KCNQ5: variants seen among roughly 807,000 people sequenced by gnomAD.
KCNQ5 encodes potassium voltage-gated channel subfamily KQT member 5.
Under a neutral mutation model 98.2 loss-of-function variants are expected in KCNQ5, and 30 were observed. The observed-to-expected ratio is 0.31, with a 90% confidence interval of 0.23 to 0.41. The LOEUF (loss-of-function observed/expected upper bound fraction) is 0.41, where lower values mean the gene tolerates loss of function less well. KCNQ5 is among the 10% of genes least tolerant of loss of function. The pLI is 1.00. For missense variants in KCNQ5, 835 were observed against 1,182.5 expected, an observed-to-expected ratio of 0.71 and a Z score of 4.31; for synonymous variants, 458 against 449.4, an observed-to-expected ratio of 1.02 and a Z score of -0.24.
intron 1 of KCNQ5, among the ~76,000 whole-genome samples, chr6:72,928,312 C>A (rs895951861): frequency 3.3e-5 from 5 of 152,026 alleles, no homozygotes; most frequent in Admixed American, 3.3e-4. Context: ...AACAAGGGTA[C>A]TAAAATATGC....
At chr6:72,802,826 G>A (rs549592783) in intron 1 of KCNQ5, among the ~76,000 whole-genome samples, 1 of 152,168 alleles carries the variant, frequency 6.6e-6, no homozygotes, top group South Asian at 2.1e-4. Flanking sequence ...CTGCATTCTG[G>A]TCTTACTAGA....
chr6:72,975,132 T>C (rs1197730849), intron 1 of KCNQ5, among the ~76,000 whole-genome samples: 1 of 152,066 alleles, frequency 6.6e-6, no homozygotes, highest in African/African-American at 2.4e-5. Flanking sequence ...TAAGTAAACA[T>C]CTCTAGAACT....
intron 1 of KCNQ5, among the ~76,000 whole-genome samples, chr6:72,864,383 A>T (rs1396056074): frequency 6.6e-6 from 1 of 152,166 alleles, no homozygotes; most frequent in Non-Finnish European, 1.5e-5. Flanking sequence ...AGCCTTCCTA[A>T]CTTAATGCCA....
intron 6 of KCNQ5, among the ~76,000 whole-genome samples, chr6:73,108,369 C>G (rs1449553132): frequency 6.6e-6 from 1 of 152,184 alleles, no homozygotes; most frequent in Non-Finnish European, 1.5e-5. Flanking sequence ...TTTATAGAGA[C>G]TGAATTCCTT....
At chr6:72,994,479 GC>G (rs1173266842) in intron 1 of KCNQ5, among the ~76,000 whole-genome samples, 1 of 135,892 alleles carries the variant, frequency 7.4e-6, no homozygotes, top group Non-Finnish European at 1.6e-5. Flanking sequence ...CTGACCCCTT[GC>G]GCTTCCCAGG....
Position 72,622,645 on chromosome 6 carries a change from TGG to T in KCNQ5, c.398+61_398+62del. The T allele has an allele frequency of 4.4e-6, 7 of 1,588,066 alleles. No individual in the cohort carries two copies. The highest frequency in any genetic ancestry group is 6.0e-6 in the Non-Finnish European group (7 of 1,166,398). On this transcript the variant is annotated intron_variant, in intron 1 of 13. Coordinates refer to ENST00000370398, the MANE Select transcript of KCNQ5 (RefSeq NM_019842.4). The surrounding 1 kb of genome is among the most constrained non-coding windows in gnomAD (Gnocchi z 6.0). ...CAGGGGACCACTGTCCCTGGCCCCC[TGG>T]GGCGTGCTCCGCGCTCGCGCCCTTG...
chr6:72,749,546 T>C (rs1461490444), intron 1 of KCNQ5, among the ~76,000 whole-genome samples: 1 of 152,046 alleles, frequency 6.6e-6, no homozygotes, highest in Non-Finnish European at 1.5e-5. Context: ...TGCTCACAAG[T>C]AGCCAAAGGG....
chr6:72,960,513 T>G (rs1767289810), intron 1 of KCNQ5, among the ~76,000 whole-genome samples: 1 of 152,126 alleles, frequency 6.6e-6, no homozygotes, highest in African/African-American at 2.4e-5. Context: ...CACTGCAACC[T>G]CCGCCTCCTG....
rs372009146 is a variant in KCNQ5 at position 72,695,085 on chromosome 6, A to G, written c.398+72498A>G. On this transcript the variant is annotated intron_variant, in intron 1 of 13. Coordinates refer to ENST00000370398, the MANE Select transcript of KCNQ5 (RefSeq NM_019842.4). The stretch of plus-strand genomic sequence containing the variant: ...GTAGCATTCCATGATATATATACAT[A>G]TACCACATTTTCTTTATCCAGTCCA... 3.9e-4 allele frequency among the ~76,000 whole-genome samples: 60 copies of G among 152,276 alleles called. 2 individuals carry two copies. The highest frequency in any genetic ancestry group is 1.3e-3 in the African/African-American group (56 of 41,568).
intron 7 of KCNQ5, 124 bp downstream of exon 7, chr6:73,111,527 G>A (rs561504903): frequency 1.4e-6 from 1 of 699,474 alleles, no homozygotes; most frequent in East Asian, 2.5e-5. Flanking sequence ...ATAAAATGAA[G>A]TCAGAACTTA....
intron 5 of KCNQ5, among the ~76,000 whole-genome samples, chr6:73,081,040 A>G (rs1279509802): frequency 1.3e-5 from 2 of 152,254 alleles, no homozygotes; most frequent in Admixed American, 1.3e-4. Context: ...GCCCAATCAA[A>G]TATGAGAGCT....
intron 9 of KCNQ5, among the ~76,000 whole-genome samples, chr6:73,124,980 T>TATAC (rs1204206268): frequency 1.8e-3 from 41 of 22,812 alleles, no homozygotes; most frequent in Non-Finnish European, 2.3e-3. Flanking sequence ...TATATATATA[T>TATAC]ACACACACAC....
chr6:72,660,900 C>T (rs894029113), intron 1 of KCNQ5, among the ~76,000 whole-genome samples: 9 of 151,744 alleles, frequency 5.9e-5, no homozygotes, highest in Non-Finnish European at 5.9e-5. Context: ...TAATGATGGC[C>T]GGAACCAAAG....
intron 1 of KCNQ5, among the ~76,000 whole-genome samples, chr6:72,710,047 G>A (rs978856732): frequency 2.5e-4 from 38 of 152,188 alleles, no homozygotes; most frequent in African/African-American, 8.2e-4. Context: ...AATGGAGTGA[G>A]TGAGGGAAAG....
chr6:73,019,105 A>G (rs968301373), intron 2 of KCNQ5, among the ~76,000 whole-genome samples: 1 of 152,074 alleles, frequency 6.6e-6, no homozygotes, highest in African/African-American at 2.4e-5. Flanking sequence ...TCCATAATGC[A>G]GCAGCCTGAA....
At chr6:72,724,010 T>G (rs1770124997) in intron 1 of KCNQ5, among the ~76,000 whole-genome samples, 1 of 152,218 alleles carries the variant, frequency 6.6e-6, no homozygotes, top group African/African-American at 2.4e-5. Flanking sequence ...TTGACTTTCT[T>G]TTGACACGCT....
At chr6:72,665,252 G>A (rs1460126781) in intron 1 of KCNQ5, among the ~76,000 whole-genome samples, 1 of 148,726 alleles carries the variant, frequency 6.7e-6, no homozygotes, top group Admixed American at 6.8e-5. Flanking sequence ...GTAGTCTGAG[G>A]CAAGAAAATC....
intron 1 of KCNQ5, among the ~76,000 whole-genome samples, chr6:72,824,838 A>G (rs1357901996): frequency 6.6e-6 from 1 of 152,006 alleles, no homozygotes; most frequent in African/African-American, 2.4e-5. Context: ...TATAGATTAT[A>G]AAATTTGGAT....
At chr6:73,082,692 G>T (rs1375921294) in intron 5 of KCNQ5, among the ~76,000 whole-genome samples, 1 of 152,076 alleles carries the variant, frequency 6.6e-6, no homozygotes, top group African/African-American at 2.4e-5. Flanking sequence ...TGTAAATATT[G>T]TATTTGTTTT....
Sources: allele counts gnomAD v4.1 joint callset (sites outside exome capture counted in the v4.1 genomes callset), GRCh38; gene constraint gnomAD v4.1.1; non-coding constraint Gnocchi (gnomAD v3.1); transcripts MANE v1.5; gene names NCBI Gene and HGNC (gene_info 2026-07-23, HGNC 2026-07-21).